SPMIP2: variants seen among roughly 807,000 people sequenced by gnomAD.
The protein encoded by SPMIP2 is sperm microtubule inner protein 2.
At chr4:159,082,449 C>CTGTGTG in the SPMIP2 span, among the ~76,000 whole-genome samples, 10,616 of 111,108 alleles carry the variant, frequency 0.096, 505 homozygotes, top group East Asian at 0.11. Context: ...CCACTTTTCT[C>CTGTGTG]TGTGTGTGTG....
the SPMIP2 span, among the ~76,000 whole-genome samples, chr4:158,970,794 C>T: frequency 2.0e-5 from 3 of 152,088 alleles, no homozygotes; most frequent in Non-Finnish European, 4.4e-5. Context: ...ACAGCTAGAC[C>T]CTTGAAAACA....
the SPMIP2 span, among the ~76,000 whole-genome samples, chr4:159,029,793 A>G: frequency 6.6e-6 from 1 of 152,248 alleles, no homozygotes; most frequent in African/African-American, 2.4e-5. Flanking sequence ...ATAGATTATA[A>G]GCTTCTAGAA....
At chr4:158,918,020 G>T in the SPMIP2 span, among the ~76,000 whole-genome samples, 1 of 152,062 alleles carries the variant, frequency 6.6e-6, no homozygotes, top group Admixed American at 6.6e-5. Flanking sequence ...TGCCCGGCCT[G>T]ACTTCTTTTG....
chr4:158,929,004 C>T, the SPMIP2 span, among the ~76,000 whole-genome samples: 8 of 152,262 alleles, frequency 5.3e-5, no homozygotes, highest in Middle Eastern at 3.4e-3. Context: ...ACACTCACTG[C>T]GAGCGTCCGA....
At chr4:158,973,031 A>G in the SPMIP2 span, 1 of 1,188,050 alleles carries the variant, frequency 8.4e-7, no homozygotes, top group South Asian at 1.5e-5. Flanking sequence ...TAAAGAATTC[A>G]AGTTAGAAAA....
chr4:158,910,376 C>A, the SPMIP2 span, among the ~76,000 whole-genome samples: 75 of 151,796 alleles, frequency 4.9e-4, 1 homozygote, highest in Admixed American at 1.0e-3. Context: ...CGGGTTCAGG[C>A]GATTCTCCTG....
the SPMIP2 span, among the ~76,000 whole-genome samples, chr4:158,999,875 C>T: frequency 6.6e-6 from 1 of 152,056 alleles, no homozygotes; most frequent in Non-Finnish European, 1.5e-5. Flanking sequence ...TGTAAATAAA[C>T]ATTTTTTTTT....
chr4:158,995,178 A>G, the SPMIP2 span, among the ~76,000 whole-genome samples: 1 of 152,202 alleles, frequency 6.6e-6, no homozygotes, highest in Non-Finnish European at 1.5e-5. Context: ...CTGGACACCC[A>G]AAGTGCTGGG....
chr4:158,979,789 G>GTTTTTTT, the SPMIP2 span, among the ~76,000 whole-genome samples: 64 of 104,482 alleles, frequency 6.1e-4, no homozygotes, highest in African/African-American at 2.3e-3. Context: ...AGTTGCAAGA[G>GTTTTTTT]TTTTTTTTTT....
At chr4:158,967,648 G>A in the SPMIP2 span, among the ~76,000 whole-genome samples, 1 of 152,172 alleles carries the variant, frequency 6.6e-6, no homozygotes, top group African/African-American at 2.4e-5. Context: ...ATTTTAATGA[G>A]ACTCAAAACT....
the SPMIP2 span, among the ~76,000 whole-genome samples, chr4:159,042,335 C>T: frequency 6.6e-6 from 1 of 152,216 alleles, no homozygotes; most frequent in Admixed American, 6.5e-5. Flanking sequence ...TTGGCTGCTG[C>T]TCAAACCTGT....
the SPMIP2 span, among the ~76,000 whole-genome samples, chr4:159,023,446 C>T: frequency 6.6e-6 from 1 of 152,160 alleles, no homozygotes; most frequent in Non-Finnish European, 1.5e-5. Context: ...TCACATGAGC[C>T]AATCCCTCAT....
the SPMIP2 span, among the ~76,000 whole-genome samples, chr4:158,927,586 G>C: frequency 1.3e-5 from 2 of 152,192 alleles, no homozygotes; most frequent in South Asian, 4.1e-4. Flanking sequence ...CTCTGCCTGG[G>C]CTCCCACTTT....
chr4:158,955,458 G>A, the SPMIP2 span, among the ~76,000 whole-genome samples: 2 of 152,180 alleles, frequency 1.3e-5, no homozygotes, highest in South Asian at 2.1e-4. Context: ...AGGCTGGAGT[G>A]CAGTTCCATG....
At chr4:158,973,298 T>C in the SPMIP2 span, 2 of 1,610,474 alleles carry the variant, frequency 1.2e-6, no homozygotes, top group South Asian at 1.1e-5. Flanking sequence ...AATAATCCTT[T>C]ATGTAGTCTG....
At chr4:158,970,269 G>A in the SPMIP2 span, among the ~76,000 whole-genome samples, 6 of 152,122 alleles carry the variant, frequency 3.9e-5, no homozygotes, top group African/African-American at 9.7e-5. Flanking sequence ...AGCTGGGCAC[G>A]GTGGCTCACA....
chr4:158,918,900 C>T, the SPMIP2 span, among the ~76,000 whole-genome samples: 1 of 152,162 alleles, frequency 6.6e-6, no homozygotes, highest in Admixed American at 6.5e-5. Flanking sequence ...CACGCATGCC[C>T]CACAATGAAC....
chr4:159,079,547 T>C, the SPMIP2 span, among the ~76,000 whole-genome samples: 11 of 152,222 alleles, frequency 7.2e-5, no homozygotes, highest in Admixed American at 2.0e-4. Context: ...ATATACTGAT[T>C]TCTGTTCAAG....
the SPMIP2 span, among the ~76,000 whole-genome samples, chr4:158,945,352 C>T: frequency 4.0e-5 from 6 of 150,438 alleles, no homozygotes; most frequent in Non-Finnish European, 8.9e-5. Context: ...TACCTATGTG[C>T]CCACTCTCCC....
Sources: gnomAD v4.1 joint callset for allele counts (sites outside exome capture counted in the v4.1 genomes callset) on GRCh38, gnomAD v4.1.1 for gene constraint, MANE v1.5 for transcripts, NCBI Gene and HGNC (gene_info 2026-07-23, HGNC 2026-07-21) for gene names.